The following CPNE8 variants were observed in gnomAD, a reference collection of about 807,000 sequenced individuals.
CPNE8 encodes copine-8.
In CPNE8, 45 loss-of-function variants were observed where a neutral mutation model predicts 81.5. The ratio of observed to expected loss-of-function variants is 0.55; its 90% CI spans 0.44 to 0.71. The LOEUF (loss-of-function observed/expected upper bound fraction) is 0.71, where lower values mean the gene tolerates loss of function less well. Among genes scored for constraint, CPNE8 ranks in the 30% least tolerant of loss-of-function variants. The probability of loss-of-function intolerance (pLI) is 0.00; values close to 1 mark genes in which losing one functional copy is unlikely to be tolerated. For missense variants in CPNE8, 594 were observed against 672.1 expected, an observed-to-expected ratio of 0.88 and a Z score of 1.28; for synonymous variants, 252 against 226.3, an observed-to-expected ratio of 1.11 and a Z score of -1.02.
At chr12:38,794,836 G>C (rs1343645513) in intron 6 of CPNE8, among the ~76,000 whole-genome samples, 2 of 152,108 alleles carry the variant, frequency 1.3e-5, no homozygotes, top group Non-Finnish European at 2.9e-5. Context: ...TGTCTGTGAG[G>C]GTGTTGCCAA....
chr12:38,763,536 A>G (rs574780560), intron 8 of CPNE8, among the ~76,000 whole-genome samples: 29 of 152,318 alleles, frequency 1.9e-4, no homozygotes, highest in African/African-American at 7.0e-4. Flanking sequence ...TATTGGTTCT[A>G]TATATCTAAA....
intron 3 of CPNE8, among the ~76,000 whole-genome samples, chr12:38,852,563 T>C (rs2137064759): frequency 6.6e-6 from 1 of 152,046 alleles, no homozygotes; most frequent in Middle Eastern, 3.4e-3. Context: ...GATCGCGCCA[T>C]TGCATTTCAG....
At chr12:38,785,991 G>A (rs1942175861) in intron 6 of CPNE8, among the ~76,000 whole-genome samples, 1 of 151,866 alleles carries the variant, frequency 6.6e-6, no homozygotes, top group South Asian at 2.1e-4. Flanking sequence ...AAGAAGGAAG[G>A]AAAGAAAGAA....
At position 38,786,257 on chromosome 12, in the gene CPNE8, G is replaced by T. The variant is rs565415271; in HGVS notation, c.408-9956C>A. 8.4e-4 allele frequency among the ~76,000 whole-genome samples: 128 copies of T among 152,274 alleles called. 1 individual carries two copies. Among genetic ancestry groups the T allele is most frequent in the Non-Finnish European group, 1.2e-3 (85 of 68,020 alleles). On this transcript the variant is annotated intron_variant, in intron 6 of 19. Coordinates refer to ENST00000331366, the MANE Select transcript of CPNE8 (RefSeq NM_153634.3). ...TTAATACTGAGTGTCAACTTGATTG[G>T]ATTGAAGGATACAAAGTATTGATCC...
chr12:38,772,545 TG>T (rs1482102510), intron 7 of CPNE8, among the ~76,000 whole-genome samples: 1 of 152,056 alleles, frequency 6.6e-6, no homozygotes, highest in African/African-American at 2.4e-5. Flanking sequence ...ATCAGAGAAA[TG>T]CAAATCCATA....
At chr12:38,668,158 T>C (rs1939100803) in intron 19 of CPNE8, among the ~76,000 whole-genome samples, 1 of 152,200 alleles carries the variant, frequency 6.6e-6, no homozygotes, top group Non-Finnish European at 1.5e-5. Flanking sequence ...ACCTATGCTA[T>C]TGGTAAGTAA....
chr12:38,778,883 C>T (rs1258656979), intron 6 of CPNE8, among the ~76,000 whole-genome samples: 2 of 152,086 alleles, frequency 1.3e-5, no homozygotes, highest in African/African-American at 4.8e-5. Context: ...CTTGTTTCCA[C>T]CATGTATTTA....
At position 38,873,062 on chromosome 12, in the gene CPNE8, GA is replaced by G; in HGVS notation, c.140-13del. 2.7e-6 allele frequency: 4 copies of G among 1,472,578 alleles called. No homozygotes were observed. Among genetic ancestry groups the G allele is most frequent in the Non-Finnish European group, 3.8e-6 (4 of 1,061,910 alleles). 91.2% of individuals were successfully genotyped at this position (1,472,578 alleles called of 1,614,324 possible). A position where few individuals can be genotyped will look rare whatever the true frequency, so the allele number is the denominator to read the frequency against. On this transcript the variant is annotated splice_polypyrimidine_tract_variant and intron_variant, in intron 2 of 19. Transcript: ENST00000331366. ...ATATAAGACACAAACTACAAAAGAT[GA>G]AAAAATACGCACATATAAATGTCTT...
intron 14 of CPNE8, among the ~76,000 whole-genome samples, chr12:38,694,866 A>G (rs1443667442): frequency 6.6e-6 from 1 of 152,250 alleles, no homozygotes; most frequent in Non-Finnish European, 1.5e-5. Context: ...GATAAGGAAC[A>G]AAAGTAACAA....
chr12:38,720,605 T>A (rs915661849), intron 13 of CPNE8: 1 of 364 alleles, frequency 2.7e-3, no homozygotes, highest in Non-Finnish European at 0.011. Context: ...ATCAAGTAAT[T>A]TTTTTTTAAG....
intron 10 of CPNE8, among the ~76,000 whole-genome samples, chr12:38,731,113 G>A (rs1295975679): frequency 2.0e-5 from 3 of 151,840 alleles, no homozygotes; most frequent in African/African-American, 7.3e-5. Flanking sequence ...TAATTTAATG[G>A]CCAGTGCTAA....
At chr12:38,665,204 T>C (rs1939037910) in intron 19 of CPNE8, among the ~76,000 whole-genome samples, 1 of 152,190 alleles carries the variant, frequency 6.6e-6, no homozygotes, top group South Asian at 2.1e-4. Flanking sequence ...TTACCTCTAT[T>C]AGTCTCTCAT....
At chr12:38,733,958 A>G (rs950493342) in intron 10 of CPNE8, among the ~76,000 whole-genome samples, 1 of 151,790 alleles carries the variant, frequency 6.6e-6, no homozygotes, top group Admixed American at 6.6e-5. Context: ...CCCTTATATC[A>G]CTTATCTTTT....
chr12:38,740,926 C>CCT (rs1941084502), intron 10 of CPNE8, among the ~76,000 whole-genome samples: 1 of 152,056 alleles, frequency 6.6e-6, no homozygotes, highest in Non-Finnish European at 1.5e-5. Flanking sequence ...GGGAGGATTT[C>CCT]CTCTTTTTCT....
rs148499295 is a variant in CPNE8 at position 38,904,477 on chromosome 12, T to G, written c.98+960A>C. On this transcript the variant is annotated intron_variant, in intron 1 of 19. Coordinates refer to ENST00000331366, the MANE Select transcript of CPNE8 (RefSeq NM_153634.3). ...GAAAGTCAGTTTTTTTTTGTTTTTT[T>G]TTTTTTTTTGAGATGGAGTCTTGCG... is the stretch of plus-strand genomic sequence containing the variant. 2.1e-3 allele frequency among the ~76,000 whole-genome samples: 313 copies of G among 150,762 alleles called. 3 individuals are homozygous for G. Among genetic ancestry groups the G allele is most frequent in the African/African-American group, 7.3e-3 (300 of 40,922 alleles).
intron 13 of CPNE8, chr12:38,721,176 C>A (rs73099152): frequency 0.047 from 7,236 of 152,820 alleles, 585 homozygotes; most frequent in African/African-American, 0.16. Flanking sequence ...TGACCAGCAG[C>A]AGAAAGGAGC....
At chr12:38,775,551 T>A (rs1377245171) in intron 7 of CPNE8, among the ~76,000 whole-genome samples, 3 of 152,124 alleles carry the variant, frequency 2.0e-5, no homozygotes, top group Non-Finnish European at 4.4e-5. Flanking sequence ...AAACAGACAA[T>A]ATTGACTTCA....
In CPNE8 at chr12:38,841,617, C is replaced by T. The variant is rs1011902111; in HGVS notation, c.291-1662G>A. ...AACAGGAGGTTCATAAATAAGCATC[C>T]TTATCTGTGAGAGCTTTATTTTGAA... On this transcript the variant is annotated intron_variant, in intron 4 of 19. Transcript: ENST00000331366. Among the ~76,000 whole-genome samples, 50 of 152,054 alleles carry T rather than the reference C, an allele frequency of 3.3e-4. 1 individual carries two copies. The highest frequency in any genetic ancestry group is 2.2e-3 in the Admixed American group (33 of 15,262).
intron 1 of CPNE8, among the ~76,000 whole-genome samples, chr12:38,902,393 G>GGAA (rs1944499236): frequency 1.8e-5 from 1 of 54,630 alleles, no homozygotes; most frequent in Non-Finnish European, 3.6e-5. Flanking sequence ...AAGAAAGAAA[G>GGAA]AGAAAGAAAG....
Sources: allele counts gnomAD v4.1 joint callset (sites outside exome capture counted in the v4.1 genomes callset), GRCh38; gene constraint gnomAD v4.1.1; transcripts MANE v1.5; gene names NCBI Gene and HGNC (gene_info 2026-07-23, HGNC 2026-07-21).